The following ZNF326 variants were observed in gnomAD, a reference collection of about 807,000 sequenced individuals.
The protein encoded by ZNF326 is DBIRD complex subunit ZNF326.
In ZNF326, 30 loss-of-function variants were observed where a neutral mutation model predicts 63.1. That is an observed-to-expected ratio of 0.48 (90% CI 0.36 to 0.64). ZNF326 has a LOEUF of 0.64. Ranked by LOEUF, ZNF326 falls within the 30% of genes least tolerant of loss-of-function variation. ZNF326 has a pLI of 0.00. For synonymous variants in ZNF326, 194 were observed against 228.2 expected (o/e 0.85, Z 1.35); for missense variants, 609 against 720.3 (o/e 0.85, Z 1.77).
At chr1:89,996,554 T>C (rs1352322430) in intron 1 of ZNF326, among the ~76,000 whole-genome samples, 1 of 152,152 alleles carries the variant, frequency 6.6e-6, no homozygotes, top group Non-Finnish European at 1.5e-5. Context: ...GGACTTTAAC[T>C]CATTTTGATG....
chr1:90,012,992 A>AT, intron 6 of ZNF326, 134 bp from the exon 7 acceptor site: 3 of 615,216 alleles, frequency 4.9e-6, no homozygotes, highest in South Asian at 4.7e-5. Flanking sequence ...TCAAACTCCG[A>AT]TTTTTTTGGT....
In ZNF326 at chr1:90,027,230, T is replaced by C. The variant is rs530705056; in HGVS notation, c.1402-124T>C. The C allele has an allele frequency of 2.3e-5, 20 of 871,552 alleles. No homozygotes were observed. The South Asian group carries it at 2.4e-4, about 10-fold the overall frequency. The allele number at this position is 871,552 out of a possible 1,614,324, so 54.0% of individuals were successfully genotyped here. On this transcript the variant is annotated intron_variant, in intron 11 of 11. Coordinates refer to ENST00000340281, the MANE Select transcript of ZNF326 (RefSeq NM_182976.4). ...CAACAAATACTTAATGAATTTGTTA[T>C]AATTTACAATGAAAAGTTTCAAAAT... is the stretch of plus-strand genomic sequence containing the variant.
Position 90,034,195 on chromosome 1 carries a change from T to C in ZNF326, c.*6494T>C, listed in dbSNP as rs1399062308. Reference sequence around the variant, plus strand: ...TTTTTGAAGTTCTGAGGGAGAACTGTTTTGAATTTAGACTTCTATCTTGAG... The same window carrying C: ...TTTTTGAAGTTCTGAGGGAGAACTGCTTTGAATTTAGACTTCTATCTTGAG... On this transcript the variant is annotated 3_prime_UTR_variant, in exon 12 of 12. Transcript: ENST00000340281. 10 of 152,130 alleles carry C rather than the reference T, an allele frequency of 6.6e-5. No individual in the cohort carries two copies. 9.4% of individuals were successfully genotyped at this position (152,130 alleles called of 1,614,324 possible). A position where few individuals can be genotyped will look rare whatever the true frequency, so the allele number is the denominator to read the frequency against.
At chr1:90,003,015 AG>A (rs1557516766) in intron 2 of ZNF326, among the ~76,000 whole-genome samples, 1 of 152,244 alleles carries the variant, frequency 6.6e-6, no homozygotes, top group Admixed American at 6.5e-5. Context: ...GTCAAGCTCA[AG>A]GTGGTAGATA....
rs1161574063 is a variant in ZNF326 at position 89,995,232 on chromosome 1, A to G, written c.-26A>G. 3.2e-6 allele frequency: 5 copies of G among 1,545,690 alleles called. No individual in the cohort carries two copies. Among genetic ancestry groups the G allele is most frequent in the East Asian group, 2.5e-5 (1 of 39,750 alleles). ...GGCCATAGCTCAGCCTAGCGCCGCCAAGGCCGACGGCCCTCAGCCTCTGCC... is the reference window on the plus strand; with the variant it reads ...GGCCATAGCTCAGCCTAGCGCCGCCGAGGCCGACGGCCCTCAGCCTCTGCC... On this transcript the variant is annotated 5_prime_UTR_variant, in exon 1 of 12. Coordinates refer to ENST00000340281, the MANE Select transcript of ZNF326 (RefSeq NM_182976.4).
chr1:90,004,104 T>C (rs1648838184), intron 2 of ZNF326, among the ~76,000 whole-genome samples: 1 of 152,186 alleles, frequency 6.6e-6, no homozygotes, highest in Non-Finnish European at 1.5e-5. Flanking sequence ...TGTTACCTCT[T>C]TTGTTTTATT....
At chr1:90,019,140 A>C (rs1356017669) in intron 9 of ZNF326, among the ~76,000 whole-genome samples, 11 of 152,110 alleles carry the variant, frequency 7.2e-5, no homozygotes, top group African/African-American at 2.7e-4. Flanking sequence ...GGAGTCTGTA[A>C]ATATGCTTTT....
At chr1:90,000,200 A>G (rs548299775) in intron 2 of ZNF326, among the ~76,000 whole-genome samples, 3 of 152,236 alleles carry the variant, frequency 2.0e-5, no homozygotes, top group South Asian at 2.1e-4. Flanking sequence ...TTTAAGAAAT[A>G]AACAGTGTGT....
At position 90,032,209 on chromosome 1, in the gene ZNF326, A is replaced by G. The variant is rs1339028927; in HGVS notation, c.*4508A>G. 1 of 152,140 alleles carries G rather than the reference A, an allele frequency of 6.6e-6. No homozygotes were observed. The highest frequency in any genetic ancestry group is 2.4e-5 in the African/African-American group (1 of 41,402). The allele number at this position is 152,140 out of a possible 1,614,324, so 9.4% of individuals were successfully genotyped here. A position where few individuals can be genotyped will look rare whatever the true frequency, so the allele number is the denominator to read the frequency against. The stretch of plus-strand genomic sequence containing the variant: ...TCCCAGAGGTCTGTTGTGAATTCTA[A>G]TGCTTTCAGAAAATATTACGGAGAA... On this transcript the variant is annotated 3_prime_UTR_variant, in exon 12 of 12. Coordinates refer to ENST00000340281, the MANE Select transcript of ZNF326 (RefSeq NM_182976.4).
rs2703992 is a variant in ZNF326, at chr1:90,024,742, A to G, written c.1401+2397A>G. Among the ~76,000 whole-genome samples, 1,298 of 152,142 alleles carry G rather than the reference A, an allele frequency of 8.5e-3. 12 individuals carry two copies. The highest frequency in any genetic ancestry group is 0.03 in the African/African-American group (1,236 of 41,478). On this transcript the variant is annotated intron_variant, in intron 11 of 11. Coordinates refer to ENST00000340281, the MANE Select transcript of ZNF326 (RefSeq NM_182976.4). ...GCCATTCTCCCACCTCGGCCTCTCT[A>G]GTAGCTGGGATTACAGGCACACACC...
intron 5 of ZNF326, among the ~76,000 whole-genome samples, chr1:90,009,664 GTCT>G (rs1384249041): frequency 2.0e-5 from 3 of 152,062 alleles, no homozygotes; most frequent in East Asian, 3.9e-4. Context: ...TACAAATATG[GTCT>G]TCTTTGTGTA....
chr1:90,005,533 GTCAA>G lies in ZNF326; in HGVS notation c.209+294_209+297del, dbSNP rs34196511. On this transcript the variant is annotated intron_variant, in intron 4 of 11. Coordinates refer to ENST00000340281, the MANE Select transcript of ZNF326 (RefSeq NM_182976.4). ...AAAATTCTTTTACTTTTAACTTCTT[GTCAA>G]TCAAAGTATCCTGAAAAATGATATA... is the stretch of plus-strand genomic sequence containing the variant. 6.1e-3 allele frequency: 5,996 copies of G among 984,612 alleles called. 42 individuals are homozygous for G. The highest frequency in any genetic ancestry group is 0.036 in the African/African-American group (2,104 of 58,320). 61.0% of individuals were successfully genotyped at this position (984,612 alleles called of 1,614,324 possible).
In ZNF326 at chr1:90,033,902, T is replaced by C. The variant is rs1055942367; in HGVS notation, c.*6201T>C. On this transcript the variant is annotated 3_prime_UTR_variant, in exon 12 of 12. Transcript: ENST00000340281. ...ATGTATGTATGTTACAGTATAAATA[T>C]ATAGAGGAGTTCCAGAAAGTGAAAA... is the stretch of plus-strand genomic sequence containing the variant. 1 of 150,010 alleles carries C rather than the reference T, an allele frequency of 6.7e-6. No homozygotes were observed. The highest frequency in any genetic ancestry group is 1.5e-5 in the Non-Finnish European group (1 of 67,580). The allele number at this position is 150,010 out of a possible 1,614,324, so 9.3% of individuals were successfully genotyped here.
rs1268548728 is a variant in ZNF326, at chr1:90,029,563, T to C, written c.*1862T>C. 1.3e-5 allele frequency: 2 copies of C among 152,310 alleles called. No homozygotes were observed. The highest frequency in any genetic ancestry group is 2.4e-5 in the African/African-American group (1 of 41,578). The allele number at this position is 152,310 out of a possible 1,614,324, so 9.4% of individuals were successfully genotyped here. A position where few individuals can be genotyped will look rare whatever the true frequency, so the allele number is the denominator to read the frequency against. ...TGGAAGGGCTAAGGTAAAAGAATAA[T>C]AAATTCCTCTAGGTTATTAGTATTT... On this transcript the variant is annotated 3_prime_UTR_variant, in exon 12 of 12. Coordinates refer to ENST00000340281, the MANE Select transcript of ZNF326 (RefSeq NM_182976.4).
At chr1:90,009,497 C>T (rs1649139302) in intron 5 of ZNF326, among the ~76,000 whole-genome samples, 1 of 152,070 alleles carries the variant, frequency 6.6e-6, no homozygotes, top group Non-Finnish European at 1.5e-5. Context: ...GTGAATGGAA[C>T]GTCAGATGCA....
In ZNF326 at chr1:90,027,679, T is replaced by C; in HGVS notation, c.1727T>C (p.Val576Ala). 1 of 1,614,066 alleles carries C rather than the reference T, an allele frequency of 6.2e-7. No homozygotes were observed. The highest frequency in any genetic ancestry group is 8.5e-7 in the Non-Finnish European group (1 of 1,179,988). The change falls in exon 12 of 12, where the codon GTT becomes GCT. Residue 576 changes from valine (V) to alanine (A), a missense_variant. Physicochemically the swap from Val to Ala is moderately conservative, Grantham distance 64. Coordinates refer to ENST00000340281, the MANE Select transcript of ZNF326 (RefSeq NM_182976.4). ...AAGGAAGAACCTGCTGACTTCCCTGTTGAGCAACCTGAAGAAAATTAAATA... is the reference window on the plus strand; with the variant it reads ...AAGGAAGAACCTGCTGACTTCCCTGCTGAGCAACCTGAAGAAAATTAAATA... ...TAKEEPADFP[V>A]EQPEEN is the part of the protein sequence containing the mutation.
chr1:90,026,145 A>G (rs1392030595), intron 11 of ZNF326, among the ~76,000 whole-genome samples: 2 of 151,974 alleles, frequency 1.3e-5, no homozygotes, highest in African/African-American at 4.8e-5. Flanking sequence ...TTGTATGTTT[A>G]GTGGAGTCGG....
At position 90,032,369 on chromosome 1, in the gene ZNF326, G is replaced by A. The variant is rs1244926166; in HGVS notation, c.*4668G>A. 3.9e-5 allele frequency: 6 copies of A among 152,348 alleles called. No homozygotes were observed. The highest frequency in any genetic ancestry group is 7.2e-5 in the African/African-American group (3 of 41,438). 9.4% of individuals were successfully genotyped at this position (152,348 alleles called of 1,614,324 possible). On this transcript the variant is annotated 3_prime_UTR_variant, in exon 12 of 12. Transcript: ENST00000340281. ...ACAGGGAAGTATGAAATAGCATGGAGTGTGGAAGGGTACTATGGGTAGCTT... is the reference window on the plus strand; with the variant it reads ...ACAGGGAAGTATGAAATAGCATGGAATGTGGAAGGGTACTATGGGTAGCTT...
rs574012871 is a variant in ZNF326 at position 90,021,027 on chromosome 1, A to G, written c.1305+105A>G. 119 of 1,204,984 alleles carry G rather than the reference A, an allele frequency of 9.9e-5. 1 individual carries two copies. The South Asian group carries it at 1.4e-3, about 14-fold the overall frequency. 74.6% of individuals were successfully genotyped at this position (1,204,984 alleles called of 1,614,324 possible). On this transcript the variant is annotated intron_variant, in intron 10 of 11. Transcript: ENST00000340281. ...TATCTGCAATTTTATCAATTTATCAATCTCATATGGAAATAACTGTAAGTA... is the reference window on the plus strand; with the variant it reads ...TATCTGCAATTTTATCAATTTATCAGTCTCATATGGAAATAACTGTAAGTA...
Sources: allele counts gnomAD v4.1 joint callset (sites outside exome capture counted in the v4.1 genomes callset), GRCh38; gene constraint gnomAD v4.1.1; transcripts MANE v1.5; gene names NCBI Gene and HGNC (gene_info 2026-07-23, HGNC 2026-07-21).